MDGA2: variants seen among roughly 807,000 people sequenced by gnomAD.
MDGA2 encodes MAM domain containing glycosylphosphatidylinositol anchor 2.
A neutral mutation model predicts 117.8 loss-of-function variants in MDGA2; 40 were observed. That is an observed-to-expected ratio of 0.34 (90% confidence interval 0.26 to 0.44). MDGA2 has a LOEUF of 0.44. Among genes scored for constraint, MDGA2 ranks in the 20% least tolerant of loss-of-function variants. MDGA2 has a pLI of 1.00. For missense variants in MDGA2, 1,123 were observed against 1,250.6 expected (o/e 0.90, Z 1.54); for synonymous variants, 452 against 439.0 (o/e 1.03, Z -0.37).
intron 6 of MDGA2, among the ~76,000 whole-genome samples, chr14:47,077,601 T>C (rs934307364): frequency 1.3e-5 from 2 of 152,024 alleles, no homozygotes; most frequent in African/African-American, 4.8e-5. Context: ...TAAGAACATT[T>C]TACCAGGTGT....
intron 3 of MDGA2, among the ~76,000 whole-genome samples, chr14:47,166,694 C>A (rs1566660334): frequency 6.6e-6 from 1 of 152,150 alleles, no homozygotes; most frequent in Non-Finnish European, 1.5e-5. Flanking sequence ...AGGAATACAA[C>A]TTGAAACAAA....
At chr14:47,416,428 T>C (rs577131022) in intron 1 of MDGA2, among the ~76,000 whole-genome samples, 10 of 152,300 alleles carry the variant, frequency 6.6e-5, no homozygotes, top group Admixed American at 2.0e-4. Context: ...ACCTCCAACA[T>C]TGCTTGTAGT....
chr14:47,247,024 G>A (rs1016446187), intron 2 of MDGA2, among the ~76,000 whole-genome samples: 2 of 151,756 alleles, frequency 1.3e-5, no homozygotes, highest in African/African-American at 4.8e-5. Context: ...ATATTTTTCT[G>A]TGTTGGTGTG....
chr14:47,314,595 T>C (rs1889748028), intron 1 of MDGA2, among the ~76,000 whole-genome samples: 1 of 151,968 alleles, frequency 6.6e-6, no homozygotes, highest in African/African-American at 2.4e-5. Context: ...GGAGGGTCCC[T>C]TGAGTCCAGG....
chr14:47,361,209 A>C (rs12878528), intron 1 of MDGA2, among the ~76,000 whole-genome samples: 73,199 of 119,746 alleles, frequency 0.61, 19,382 homozygotes, highest in Admixed American at 0.7. Flanking sequence ...CTCTCTCTCT[A>C]TATATATATA....
At chr14:47,564,472 C>A (rs936872647) in intron 1 of MDGA2, among the ~76,000 whole-genome samples, 45 of 152,124 alleles carry the variant, frequency 3.0e-4, no homozygotes, top group Non-Finnish European at 5.1e-4. Flanking sequence ...GAGAGCCAAG[C>A]AAAAGGGGTT....
At chr14:47,155,285 T>C (rs771062814) in intron 3 of MDGA2, among the ~76,000 whole-genome samples, 5 of 152,082 alleles carry the variant, frequency 3.3e-5, no homozygotes, top group Non-Finnish European at 7.3e-5. Context: ...ACCTTCTGAA[T>C]GGCAGGATTG....
At position 47,096,938 on chromosome 14, in the gene MDGA2, AGGTGATGGCAGGTAT is replaced by A; in HGVS notation, c.1096_1110del (p.Ile366_Thr370del). Reference sequence around the variant, plus strand: ...CAGCTGTAAGTACCAGCATCATCTGAGGTGATGGCAGGTATGGTCAAAGTTCCTCCATTCAAAACA... The same window carrying A: ...CAGCTGTAAGTACCAGCATCATCTGAGGTCAAAGTTCCTCCATTCAAAACA... On this transcript the variant is annotated inframe_deletion, in exon 6 of 17. Coordinates refer to ENST00000399232, the MANE Select transcript of MDGA2 (RefSeq NM_001113498.3). 1 of 1,613,306 alleles carries A rather than the reference AGGTGATGGCAGGTAT, an allele frequency of 6.2e-7. No individual in the cohort carries two copies.
chr14:47,317,778 GC>G (rs1465199813), intron 1 of MDGA2, among the ~76,000 whole-genome samples: 1 of 151,942 alleles, frequency 6.6e-6, no homozygotes, highest in African/African-American at 2.4e-5. Context: ...GTTTAGAATG[GC>G]CCAGTTACCA....
chr14:47,482,601 T>G (rs1427514107), intron 1 of MDGA2, among the ~76,000 whole-genome samples: 1 of 152,084 alleles, frequency 6.6e-6, no homozygotes, highest in Non-Finnish European at 1.5e-5. Flanking sequence ...TGAATCTAAA[T>G]TTCTAGATTA....
At chr14:47,348,700 G>A (rs1294376273) in intron 1 of MDGA2, among the ~76,000 whole-genome samples, 3 of 152,146 alleles carry the variant, frequency 2.0e-5, no homozygotes, top group African/African-American at 7.2e-5. Context: ...AACAGAGATG[G>A]AGACAGAGAG....
chr14:47,335,467 C>T (rs1210608863), intron 1 of MDGA2, among the ~76,000 whole-genome samples: 1 of 150,856 alleles, frequency 6.6e-6, no homozygotes, highest in Non-Finnish European at 1.5e-5. Context: ...ATGCAAAGAT[C>T]CTGAGAGGGA....
chr14:47,183,479 G>A (rs1884790836), intron 3 of MDGA2, among the ~76,000 whole-genome samples: 1 of 152,078 alleles, frequency 6.6e-6, no homozygotes, highest in African/African-American at 2.4e-5. Flanking sequence ...AGGTTGATAA[G>A]ATGGTTCATG....
At chr14:46,967,811 C>T (rs545321941) in intron 8 of MDGA2, among the ~76,000 whole-genome samples, 58 of 152,110 alleles carry the variant, frequency 3.8e-4, no homozygotes, top group African/African-American at 1.4e-3. Flanking sequence ...ATTAATTAAG[C>T]ACAGTAAGAG....
chr14:47,503,444 A>T (rs1259014316), intron 1 of MDGA2, among the ~76,000 whole-genome samples: 4 of 128,838 alleles, frequency 3.1e-5, no homozygotes, highest in African/African-American at 1.2e-4. Context: ...TTTTTTGGAG[A>T]TGGAGTCTCG....
Position 47,205,340 on chromosome 14 carries a change from A to C in MDGA2, c.595+12681T>G, listed in dbSNP as rs1885646258. Among the ~76,000 whole-genome samples, 2 of 151,940 alleles carry C rather than the reference A, an allele frequency of 1.3e-5. 1 individual carries two copies. Among genetic ancestry groups the C allele is most frequent in the Admixed American group, 1.3e-4 (2 of 15,256 alleles). On this transcript the variant is annotated intron_variant, in intron 3 of 16. Transcript: ENST00000399232. ...TCCTTGTGCTTATGATCTTATGTCT[A>C]TTCTTACTTCTCAAAGAGTCTATAA...
intron 1 of MDGA2, among the ~76,000 whole-genome samples, chr14:47,619,423 T>C (rs919496048): frequency 6.6e-6 from 1 of 152,126 alleles, no homozygotes; most frequent in Non-Finnish European, 1.5e-5. Context: ...TTTAAGTACA[T>C]TAAAACTAAT....
intron 1 of MDGA2, among the ~76,000 whole-genome samples, chr14:47,595,673 T>G (rs1391746168): frequency 6.6e-6 from 1 of 151,998 alleles, no homozygotes; most frequent in Non-Finnish European, 1.5e-5. Flanking sequence ...AGGCATGAAT[T>G]ATATTCTTTG....
At chr14:47,011,773 G>A (rs1244100858) in intron 8 of MDGA2, among the ~76,000 whole-genome samples, 1 of 151,878 alleles carries the variant, frequency 6.6e-6, no homozygotes, top group Non-Finnish European at 1.5e-5. Flanking sequence ...GAGATCCAAA[G>A]GAAAGTAGAG....
Sources: gnomAD v4.1 joint callset for allele counts (sites outside exome capture counted in the v4.1 genomes callset) on GRCh38, gnomAD v4.1.1 for gene constraint, MANE v1.5 for transcripts, NCBI Gene and HGNC (gene_info 2026-07-23, HGNC 2026-07-21) for gene names.